The following LYRM7 variants were observed in gnomAD, a reference collection of about 807,000 sequenced individuals.
The protein encoded by LYRM7 is complex III assembly factor LYRM7.
Under a neutral mutation model 15.8 loss-of-function variants are expected in LYRM7, and 9 were observed. That is an observed-to-expected ratio of 0.57 (90% CI 0.34 to 0.99). The LOEUF is 0.99. Ranked by LOEUF, LYRM7 falls within the 50% of genes least tolerant of loss-of-function variation. LYRM7 has a pLI of 0.02. For synonymous variants in LYRM7, 39 were observed against 39.4 expected, an observed-to-expected ratio of 0.99 and a Z score of 0.04; for missense variants, 115 against 119.1, an observed-to-expected ratio of 0.97 and a Z score of 0.16.
rs1372593328 is a variant in LYRM7 at position 131,172,438 on chromosome 5, T to C, written c.18+1400T>C. ...AAAAAATAAGTAAATAAATAAATAATCTCTCAAGGAAGTTCAGACCTGACG... is the reference window on the plus strand; with the variant it reads ...AAAAAATAAGTAAATAAATAAATAACCTCTCAAGGAAGTTCAGACCTGACG... On this transcript the variant is annotated intron_variant, in intron 1 of 4. Transcript: ENST00000379380. Among the ~76,000 whole-genome samples, 3 of 151,810 alleles carry C rather than the reference T, an allele frequency of 2.0e-5. No homozygotes were observed. The East Asian group carries it at 5.8e-4, about 29-fold the overall frequency.
intron 1 of LYRM7, among the ~76,000 whole-genome samples, chr5:131,178,315 G>T (rs768458642): frequency 7.9e-5 from 12 of 152,156 alleles, no homozygotes; most frequent in African/African-American, 1.2e-4. Context: ...GGGAGTGCCT[G>T]AACATAAGTG....
intron 4 of LYRM7, among the ~76,000 whole-genome samples, chr5:131,190,084 A>G (rs1313721948): frequency 6.6e-6 from 1 of 151,314 alleles, no homozygotes; most frequent in African/African-American, 2.4e-5. Flanking sequence ...CAATGACCCG[A>G]GATCGCACCA....
At position 131,187,044 on chromosome 5, in the gene LYRM7, C is replaced by T; in HGVS notation, c.179C>T (p.Ser60Phe). The T allele has an allele frequency of 2.6e-6, 4 of 1,551,304 alleles. No homozygotes were observed. Among genetic ancestry groups the T allele is most frequent in the Non-Finnish European group, 3.5e-6 (4 of 1,138,300 alleles). Residue 60 changes from serine to phenylalanine, a missense_variant, in exon 4 of 5, where the codon TCT becomes TTT. Physicochemically the swap from Ser to Phe is radical, Grantham distance 155. Coordinates refer to ENST00000379380, the MANE Select transcript of LYRM7 (RefSeq NM_181705.4). ...KKIEELMKIGSDVELLLRTSV... is the reference protein window; with the variant it reads ...KKIEELMKIGFDVELLLRTSV... Reference sequence around the variant, plus strand: ...TCTTAACAGCTAATGAAAATAGGTTCTGATGTTGAATTATTACTCAGAACA... The same window carrying T: ...TCTTAACAGCTAATGAAAATAGGTTTTGATGTTGAATTATTACTCAGAACA...
chr5:131,171,046 G>T lies in LYRM7; in HGVS notation c.18+8G>T. Reference sequence around the variant, plus strand: ...ATGGGACGGGCAGTCAAGGTGACAGGGCCCGGGAAGGGGTGGGTACGATGC... The same window carrying T: ...ATGGGACGGGCAGTCAAGGTGACAGTGCCCGGGAAGGGGTGGGTACGATGC... On this transcript the variant is annotated splice_region_variant and intron_variant, in intron 1 of 4. Coordinates refer to ENST00000379380, the MANE Select transcript of LYRM7 (RefSeq NM_181705.4). The T allele has an allele frequency of 1.3e-6, 2 of 1,528,444 alleles. No homozygotes were observed. Among genetic ancestry groups the T allele is most frequent in the Non-Finnish European group, 1.7e-6 (2 of 1,148,166 alleles). 94.7% of individuals were successfully genotyped at this position (1,528,444 alleles called of 1,614,324 possible).
chr5:131,182,495 AC>A lies in LYRM7; in HGVS notation c.162+200del, dbSNP rs1755730507. On this transcript the variant is annotated intron_variant, in intron 3 of 4. Coordinates refer to ENST00000379380, the MANE Select transcript of LYRM7 (RefSeq NM_181705.4). ...TGCCGACACCAAAATACAGCAAGGT[AC>A]CCCATCAACAGAACATGGAAATAGC... is the stretch of plus-strand genomic sequence containing the variant. Among the ~76,000 whole-genome samples the A allele has an allele frequency of 2.0e-5, 3 of 152,280 alleles. No homozygotes were observed. In the South Asian group the frequency reaches 6.2e-4, roughly 32 times the overall value.
intron 1 of LYRM7, among the ~76,000 whole-genome samples, chr5:131,174,739 G>C (rs973887922): frequency 5.9e-5 from 9 of 152,102 alleles, no homozygotes; most frequent in Non-Finnish European, 1.2e-4. Flanking sequence ...AGCAACTTTG[G>C]AGGCTGAGGT....
chr5:131,198,009 A>G (rs928690093), intron 4 of LYRM7, among the ~76,000 whole-genome samples: 8 of 152,010 alleles, frequency 5.3e-5, no homozygotes, highest in Non-Finnish European at 7.4e-5. Context: ...ATTTTACCAT[A>G]TTTGCCTTAT....
At chr5:131,182,469 C>A (rs998732013) in intron 3 of LYRM7, among the ~76,000 whole-genome samples, 170 bp downstream of exon 3, 14 of 152,184 alleles carry the variant, frequency 9.2e-5, no homozygotes, top group Admixed American at 7.9e-4. Flanking sequence ...TCAGGCTCAT[C>A]TGCCGACACC....
In LYRM7 at chr5:131,203,409, T is replaced by C. The variant is rs1349038033; in HGVS notation, c.*3808T>C. Reference sequence around the variant, plus strand: ...AGATGACAGTTTTTCAAAAATCTATTGAGGCCAGGTGCAGTGGCCCATGCC... The same window carrying C: ...AGATGACAGTTTTTCAAAAATCTATCGAGGCCAGGTGCAGTGGCCCATGCC... On this transcript the variant is annotated 3_prime_UTR_variant, in exon 5 of 5. Transcript: ENST00000379380. The C allele has an allele frequency of 6.6e-6, 1 of 152,264 alleles. No homozygotes were observed. Among genetic ancestry groups the C allele is most frequent in the Non-Finnish European group, 1.5e-5 (1 of 68,066 alleles). The allele number at this position is 152,264 out of a possible 1,614,324, so 9.4% of individuals were successfully genotyped here.
chr5:131,193,440 T>C (rs1049336064), intron 4 of LYRM7, among the ~76,000 whole-genome samples: 6 of 152,234 alleles, frequency 3.9e-5, no homozygotes, highest in African/African-American at 1.4e-4. Flanking sequence ...CTTGATGAGT[T>C]AGGGACAGGT....
In LYRM7 at chr5:131,184,142, G is replaced by A. The variant is rs190997911; in HGVS notation, c.162+1843G>A. On this transcript the variant is annotated intron_variant, in intron 3 of 4. Coordinates refer to ENST00000379380, the MANE Select transcript of LYRM7 (RefSeq NM_181705.4). ...ATGCTACCACACCCAGCTAATTTTT[G>A]TATTTTTAGTAGACGGGTTTCACCA... Among the ~76,000 whole-genome samples the A allele has an allele frequency of 2.3e-4, 35 of 152,058 alleles. No homozygotes were observed. In the East Asian group the frequency reaches 6.6e-3, roughly 29 times the overall value.
chr5:131,178,443 C>T (rs949475220), intron 1 of LYRM7, among the ~76,000 whole-genome samples: 2 of 151,940 alleles, frequency 1.3e-5, no homozygotes, highest in African/African-American at 4.8e-5. Flanking sequence ...ACTTGGTGGC[C>T]TCCAATAAGT....
chr5:131,187,554 G>A (rs1755817981), intron 4 of LYRM7, among the ~76,000 whole-genome samples: 1 of 150,846 alleles, frequency 6.6e-6, no homozygotes, highest in Admixed American at 6.6e-5. Context: ...GTGCGATCTT[G>A]GCTCGCTGCA....
chr5:131,194,119 C>T (rs193001897), intron 4 of LYRM7, among the ~76,000 whole-genome samples: 18 of 152,210 alleles, frequency 1.2e-4, no homozygotes, highest in Admixed American at 2.0e-4. Flanking sequence ...AATGCAGTTC[C>T]TTTTTAAAGA....
chr5:131,189,070 T>C (rs1052726258), intron 4 of LYRM7, among the ~76,000 whole-genome samples: 4 of 151,316 alleles, frequency 2.6e-5, no homozygotes, highest in African/African-American at 9.7e-5. Flanking sequence ...CACTTGAATG[T>C]GGGAGGCAGA....
chr5:131,182,928 G>A (rs1013339859), intron 3 of LYRM7, among the ~76,000 whole-genome samples: 3 of 151,850 alleles, frequency 2.0e-5, no homozygotes, highest in African/African-American at 7.3e-5. Context: ...ACTATATAAA[G>A]GTAAGGAAAG....
intron 3 of LYRM7, 37 bp downstream of exon 3, chr5:131,182,336 A>G: frequency 7.6e-7 from 1 of 1,319,124 alleles, no homozygotes; most frequent in Non-Finnish European, 1.0e-6. Flanking sequence ...AAACTTATAC[A>G]ATTATCTTGT....
Position 131,180,186 on chromosome 5 carries a change from C to G in LYRM7, c.91+19C>G, listed in dbSNP as rs1250636059. On this transcript the variant is annotated intron_variant, in intron 2 of 4. Transcript: ENST00000379380. Reference sequence around the variant, plus strand: ...TTAGAAGGTAAGTATGTTCTTTACCCCTTTGGAGCCAGTCTACTTTTTAGA... The same window carrying G: ...TTAGAAGGTAAGTATGTTCTTTACCGCTTTGGAGCCAGTCTACTTTTTAGA... The G allele has an allele frequency of 6.4e-7, 1 of 1,555,880 alleles. No individual in the cohort carries two copies. The highest frequency in any genetic ancestry group is 1.4e-5 in the African/African-American group (1 of 73,678).
chr5:131,203,759 A>AAC lies in LYRM7; in HGVS notation c.*4159_*4160dup. 1 of 152,474 alleles carries AAC rather than the reference A, an allele frequency of 6.6e-6. No individual in the cohort carries two copies. Among genetic ancestry groups the AAC allele is most frequent in the South Asian group, 2.1e-4 (1 of 4,828 alleles). 9.4% of individuals were successfully genotyped at this position (152,474 alleles called of 1,614,324 possible). On this transcript the variant is annotated 3_prime_UTR_variant, in exon 5 of 5. Transcript: ENST00000379380. ...CAAATATATCCACATAAAAATATAA[A>AAC]ACTTCTGTATTCTGTGAAAGCTACT...
Sources: allele counts gnomAD v4.1 joint callset (sites outside exome capture counted in the v4.1 genomes callset), GRCh38; gene constraint gnomAD v4.1.1; transcripts MANE v1.5; gene names NCBI Gene and HGNC (gene_info 2026-07-23, HGNC 2026-07-21).